The following DAB1 variants were observed in gnomAD, a reference collection of about 807,000 sequenced individuals.
DAB1 encodes the protein disabled homolog 1.
DAB1 carries 15 observed loss-of-function variants against 64.6 expected under a neutral mutation model. That is an observed-to-expected ratio of 0.23 (90% CI 0.16 to 0.36). The LOEUF (loss-of-function observed/expected upper bound fraction) is 0.36, where lower values mean the gene tolerates loss of function less well. Among genes scored for constraint, DAB1 ranks in the 10% least tolerant of loss-of-function variants. The probability of loss-of-function intolerance (pLI) is 1.00; values close to 1 mark genes in which losing one functional copy is unlikely to be tolerated. For missense variants in DAB1, 596 were observed against 706.7 expected, an observed-to-expected ratio of 0.84 and a Z score of 1.78; for synonymous variants, 235 against 251.9, an observed-to-expected ratio of 0.93 and a Z score of 0.64.
chr1:57,966,674 C>A (rs574902716), intron 5 of DAB1, among the ~76,000 whole-genome samples: 1 of 152,012 alleles, frequency 6.6e-6, no homozygotes, highest in Non-Finnish European at 1.5e-5. Context: ...GGCCTTAACT[C>A]GAATGCCAAG....
chr1:57,434,564 G>A (rs1241592149), intron 7 of DAB1, among the ~76,000 whole-genome samples: 1 of 152,204 alleles, frequency 6.6e-6, no homozygotes, highest in Non-Finnish European at 1.5e-5. Flanking sequence ...GGTTATACAA[G>A]CAAATACAGT....
intron 6 of DAB1, among the ~76,000 whole-genome samples, chr1:57,696,475 C>T (rs539356414): frequency 6.6e-6 from 1 of 152,122 alleles, no homozygotes; most frequent in African/African-American, 2.4e-5. Context: ...AGGTTTGGGA[C>T]GATCACTGAA....
At chr1:58,226,382 A>G (rs1463417747) in intron 4 of DAB1, among the ~76,000 whole-genome samples, 1 of 151,754 alleles carries the variant, frequency 6.6e-6, no homozygotes, top group African/African-American at 2.4e-5. Flanking sequence ...TTACTATCCC[A>G]TCTCCCAGAT....
chr1:57,599,196 T>TC (rs1558528565), intron 7 of DAB1, among the ~76,000 whole-genome samples: 3 of 149,226 alleles, frequency 2.0e-5, no homozygotes, highest in African/African-American at 7.5e-5. Flanking sequence ...TTTTTTTTTT[T>TC]CTAGGAATGA....
intron 3 of DAB1, among the ~76,000 whole-genome samples, chr1:58,416,559 T>C (rs1644723289): frequency 6.6e-6 from 1 of 152,184 alleles, no homozygotes; most frequent in South Asian, 2.1e-4. Flanking sequence ...ACCAAAAAAA[T>C]GAATCTTAAT....
intron 4 of DAB1, among the ~76,000 whole-genome samples, chr1:57,100,042 G>C (rs912708820): frequency 6.6e-6 from 1 of 152,138 alleles, no homozygotes; most frequent in Non-Finnish European, 1.5e-5. Context: ...CAAACAAAAG[G>C]TCAGTGATCA....
At chr1:57,646,657 G>A (rs1646194350) in intron 7 of DAB1, among the ~76,000 whole-genome samples, 1 of 152,262 alleles carries the variant, frequency 6.6e-6, no homozygotes, top group South Asian at 2.1e-4. Context: ...GCTGAGATGG[G>A]AGGATCGCTT....
intron 1 of DAB1, among the ~76,000 whole-genome samples, chr1:57,355,025 A>C (rs1424463): frequency 0.5 from 75,930 of 151,918 alleles, 19,704 homozygotes; most frequent in African/African-American, 0.55. Context: ...GGCCCAAAGA[A>C]AGAAACTTTA....
At chr1:57,969,708 T>G (rs2100302707) in intron 5 of DAB1, among the ~76,000 whole-genome samples, 1 of 152,328 alleles carries the variant, frequency 6.6e-6, no homozygotes, top group South Asian at 2.1e-4. Context: ...CTATGCTGTT[T>G]CATTTGATTC....
chr1:57,905,443 T>C (rs1034249586), intron 5 of DAB1, among the ~76,000 whole-genome samples: 1 of 152,094 alleles, frequency 6.6e-6, no homozygotes, highest in African/African-American at 2.4e-5. Context: ...GGTTGAATGA[T>C]AAGGAAGCAT....
chr1:57,522,557 C>T (rs777214654), intron 7 of DAB1, among the ~76,000 whole-genome samples: 4 of 152,074 alleles, frequency 2.6e-5, no homozygotes, highest in Non-Finnish European at 5.9e-5. Flanking sequence ...GCTGGGGAGG[C>T]CTCACAATCA....
At position 57,320,490 on chromosome 1, in the gene DAB1, T is replaced by C. The variant is rs545275426; in HGVS notation, c.-136-29324A>G. On this transcript the variant is annotated intron_variant, in intron 1 of 14. Coordinates refer to ENST00000371236, the MANE Select transcript of DAB1 (RefSeq NM_001365792.1). Reference sequence around the variant, plus strand: ...AAAATAGATCTTCTCCATATAGACATGCATTCCCCCAAGTCTTGCCTACTA... The same window carrying C: ...AAAATAGATCTTCTCCATATAGACACGCATTCCCCCAAGTCTTGCCTACTA... 4.3e-4 allele frequency among the ~76,000 whole-genome samples: 66 copies of C among 152,308 alleles called. No homozygotes were observed. The Middle Eastern group carries it at 0.01, about 24-fold the overall frequency.
chr1:58,488,162 A>G (rs1184142079), intron 3 of DAB1, among the ~76,000 whole-genome samples: 1 of 152,200 alleles, frequency 6.6e-6, no homozygotes, highest in African/African-American at 2.4e-5. Flanking sequence ...ACATCATTAT[A>G]AAGTTCATTG....
chr1:58,292,363 A>T (rs1283460085), intron 4 of DAB1, among the ~76,000 whole-genome samples: 1 of 152,224 alleles, frequency 6.6e-6, no homozygotes, highest in African/African-American at 2.4e-5. Flanking sequence ...TCAAGAAAAA[A>T]AGTATCATCA....
At chr1:57,590,299 TTTTTC>T (rs1043751467) in intron 7 of DAB1, among the ~76,000 whole-genome samples, 33 of 151,690 alleles carry the variant, frequency 2.2e-4, no homozygotes, top group African/African-American at 7.5e-4. Flanking sequence ...CCTTAATTAT[TTTTTC>T]TTTTCTTTTA....
At chr1:57,561,711 G>T (rs1570628425) in intron 7 of DAB1, among the ~76,000 whole-genome samples, 1 of 152,268 alleles carries the variant, frequency 6.6e-6, no homozygotes, top group East Asian at 1.9e-4. Flanking sequence ...TGGTGGCTGG[G>T]ATGGAGGTTA....
intron 7 of DAB1, among the ~76,000 whole-genome samples, chr1:57,477,584 G>A (rs1053900872): frequency 6.6e-6 from 1 of 152,132 alleles, no homozygotes; most frequent in Non-Finnish European, 1.5e-5. Context: ...ATAAATTGGA[G>A]TGATTAGAGA....
At chr1:57,665,763 T>C (rs1403366617) in intron 6 of DAB1, among the ~76,000 whole-genome samples, 5 of 151,994 alleles carry the variant, frequency 3.3e-5, no homozygotes, top group African/African-American at 9.7e-5. Context: ...CCCACACATA[T>C]ACATACACAT....
intron 5 of DAB1, among the ~76,000 whole-genome samples, chr1:58,124,993 GTTA>G (rs1218984554): frequency 1.3e-5 from 2 of 152,010 alleles, no homozygotes; most frequent in Non-Finnish European, 2.9e-5. Flanking sequence ...TGTTGCTGTC[GTTA>G]TTATTATATT....
Sources: gnomAD v4.1 joint callset for allele counts (sites outside exome capture counted in the v4.1 genomes callset) on GRCh38, gnomAD v4.1.1 for gene constraint, MANE v1.5 for transcripts, NCBI Gene and HGNC (gene_info 2026-07-23, HGNC 2026-07-21) for gene names.